GBP2: variants seen among roughly 807,000 people sequenced by gnomAD.
GBP2 encodes the protein guanylate binding protein 2, also known as guanylate-binding protein 2.
Under a neutral mutation model 60.8 loss-of-function variants are expected in GBP2, and 54 were observed. The observed-to-expected ratio is 0.89, with a 90% CI of 0.71 to 1.11. GBP2 has a LOEUF of 1.11. Among genes scored for constraint, GBP2 ranks in the 50% most tolerant of loss-of-function variants. The pLI is 0.00. For synonymous variants in GBP2, 243 were observed against 256.5 expected (o/e 0.95, Z 0.50); for missense variants, 665 against 703.3 (o/e 0.95, Z 0.62).
intron 1 of GBP2, among the ~76,000 whole-genome samples, chr1:89,123,561 T>C (rs1360911281): frequency 6.6e-6 from 1 of 152,242 alleles, no homozygotes; most frequent in Non-Finnish European, 1.5e-5. Flanking sequence ...CATAAGTGTT[T>C]GAAAGATAAA....
intron 6 of GBP2, 65 bp downstream of exon 6, chr1:89,116,927 T>G: frequency 6.4e-7 from 1 of 1,563,682 alleles, no homozygotes; most frequent in African/African-American, 1.4e-5. Flanking sequence ...TGCTTTCCAT[T>G]TTATCCTCTA....
At chr1:89,111,360 CA>C (rs1681160260) in intron 8 of GBP2, among the ~76,000 whole-genome samples, 1 of 152,060 alleles carries the variant, frequency 6.6e-6, no homozygotes, top group Non-Finnish European at 1.5e-5. Flanking sequence ...ATGAAGAAGA[CA>C]AACTCTCCTT....
chr1:89,107,688 G>C lies in GBP2; in HGVS notation c.*487C>G, dbSNP rs1570314042. ...ACAAAGACCACTTGGCAGGAGTGAT[G>C]CTCTACTGTGCCCCATGGTTTGTTT... On this transcript the variant is annotated 3_prime_UTR_variant, in exon 11 of 11. Coordinates refer to ENST00000370466, the MANE Select transcript of GBP2 (RefSeq NM_004120.5). 3.3e-5 allele frequency among the ~76,000 whole-genome samples: 5 copies of C among 152,160 alleles called. No individual in the cohort carries two copies. In the South Asian group the frequency reaches 1.0e-3, roughly 32 times the overall value.
chr1:89,119,978 G>A (rs1681366325), intron 4 of GBP2: 5 of 543,438 alleles, frequency 9.2e-6, no homozygotes, highest in Non-Finnish European at 1.7e-5. Context: ...GGGTGGCTGA[G>A]TATCTAACGA....
At chr1:89,108,396 A>C (rs1570314558) in intron 10 of GBP2, 105 bp from the exon 11 acceptor site, 2 of 645,812 alleles carry the variant, frequency 3.1e-6, no homozygotes, top group African/African-American at 1.9e-5. Context: ...TTTGACTATC[A>C]CTCTCTTCTG....
Position 89,107,662 on chromosome 1 carries a change from T to C in GBP2, c.*513A>G, listed in dbSNP as rs1302009660. 1.3e-5 allele frequency among the ~76,000 whole-genome samples: 2 copies of C among 152,210 alleles called. No homozygotes were observed. Among genetic ancestry groups the C allele is most frequent in the Admixed American group, 1.3e-4 (2 of 15,286 alleles). ...TCCTTTATTTGCAGCCAGCATGCCATACAAAGACCACTTGGCAGGAGTGAT... is the reference window on the plus strand; with the variant it reads ...TCCTTTATTTGCAGCCAGCATGCCACACAAAGACCACTTGGCAGGAGTGAT... On this transcript the variant is annotated 3_prime_UTR_variant, in exon 11 of 11. Transcript: ENST00000370466.
chr1:89,118,636 A>C (rs1681331769), intron 4 of GBP2: 1 of 152,230 alleles, frequency 6.6e-6, no homozygotes, highest in African/African-American at 2.4e-5. Context: ...AAACTAATAC[A>C]AAAAGCAATT....
chr1:89,115,936 C>T (rs1017988194), intron 6 of GBP2, among the ~76,000 whole-genome samples: 1 of 152,032 alleles, frequency 6.6e-6, no homozygotes, highest in Non-Finnish European at 1.5e-5. Flanking sequence ...TCTATCCTGC[C>T]CTATGCATTT....
intron 7 of GBP2, among the ~76,000 whole-genome samples, chr1:89,113,741 A>G (rs1181429939): frequency 6.6e-6 from 1 of 152,242 alleles, no homozygotes; most frequent in African/African-American, 2.4e-5. Flanking sequence ...AAAGGACAAA[A>G]TAAGTTAAAA....
intron 7 of GBP2, among the ~76,000 whole-genome samples, chr1:89,113,504 A>T (rs1488994593): frequency 1.3e-5 from 2 of 152,186 alleles, no homozygotes; most frequent in Non-Finnish European, 2.9e-5. Context: ...AAGGACTTTC[A>T]TTTGTCAAGT....
Position 89,114,192 on chromosome 1 carries a change from C to A in GBP2, c.973G>T (p.Ala325Ser). ...TAGTGGGCAATAGCCTTTTCCACTG[C>A]GGCTGAGTTCTCTATCTGGGCCAAG... ...LALAQIENSA[A>S]VEKAIAHYEQ... Residue 325 changes from alanine (A) to serine (S), a missense_variant, in exon 7 of 11, where the codon GCA (alanine) becomes TCA (serine). Transcript: ENST00000370466. 6.2e-7 allele frequency: 1 copy of A among 1,614,236 alleles called. No homozygotes were observed.
At chr1:89,119,568 G>A (rs1029454751) in intron 4 of GBP2, 5 of 152,128 alleles carry the variant, frequency 3.3e-5, no homozygotes, top group African/African-American at 1.2e-4. Flanking sequence ...AATCTTTAAT[G>A]AATGAAGGAT....
chr1:89,112,751 A>G, intron 7 of GBP2, 67 bp from the exon 8 acceptor site: 1 of 1,282,314 alleles, frequency 7.8e-7, no homozygotes, highest in South Asian at 1.2e-5. Context: ...CTATGTGGAG[A>G]CTGGAAAATG....
chr1:89,115,622 T>C (rs549094072), intron 6 of GBP2, among the ~76,000 whole-genome samples: 3 of 152,208 alleles, frequency 2.0e-5, no homozygotes, highest in African/African-American at 7.2e-5. Context: ...AAAATTGAGA[T>C]GGAATTCTGG....
intron 1 of GBP2, among the ~76,000 whole-genome samples, chr1:89,125,089 A>T (rs573293841): frequency 6.6e-6 from 1 of 152,330 alleles, no homozygotes; most frequent in South Asian, 2.1e-4. Flanking sequence ...TAACATCTTA[A>T]TTTGTGTTTT....
intron 6 of GBP2, among the ~76,000 whole-genome samples, chr1:89,116,272 C>A (rs556496450): frequency 4.6e-5 from 7 of 152,238 alleles, no homozygotes; most frequent in East Asian, 1.9e-4. Flanking sequence ...CCTCAGCCCC[C>A]CAAAGTTCTG....
At chr1:89,116,465 ACT>A (rs1244294969) in intron 6 of GBP2, among the ~76,000 whole-genome samples, 1 of 13,090 alleles carries the variant, frequency 7.6e-5, no homozygotes, top group East Asian at 1.3e-3. Context: ...TTATCATTAT[ACT>A]TTTTTTTTTT....
chr1:89,109,630 C>T (rs746947237), intron 10 of GBP2, 47 bp downstream of exon 10: 21 of 1,556,700 alleles, frequency 1.3e-5, no homozygotes, highest in Admixed American at 1.1e-4. Context: ...ACTTCATTTT[C>T]GATATGGGGC....
intron 6 of GBP2, among the ~76,000 whole-genome samples, chr1:89,115,584 C>A (rs1022178857): frequency 1.3e-5 from 2 of 152,040 alleles, no homozygotes; most frequent in Non-Finnish European, 2.9e-5. Flanking sequence ...TTGTTCCAAT[C>A]GCCTGTCTTT....
Sources: gnomAD v4.1 joint callset for allele counts (sites outside exome capture counted in the v4.1 genomes callset) on GRCh38, gnomAD v4.1.1 for gene constraint, MANE v1.5 for transcripts, NCBI Gene and HGNC (gene_info 2026-07-23, HGNC 2026-07-21) for gene names.